Variants in SMPD3 observed in about 807,000 individuals in gnomAD.
SMPD3 encodes nSMase-2.
In SMPD3, 21 loss-of-function variants were observed where a neutral mutation model predicts 55.7. That is an observed-to-expected ratio of 0.38 (90% CI 0.27 to 0.54). SMPD3 has a LOEUF of 0.54. Among genes scored for constraint, SMPD3 ranks in the 20% least tolerant of loss-of-function variants. The probability of loss-of-function intolerance (pLI) is 0.80; values close to 1 mark genes in which losing one functional copy is unlikely to be tolerated. For synonymous variants in SMPD3, 457 were observed against 404.3 expected (o/e 1.13, Z -1.56); for missense variants, 842 against 899.6 (o/e 0.94, Z 0.82).
intron 1 of SMPD3, among the ~76,000 whole-genome samples, chr16:68,396,768 G>A (rs974421053): frequency 2.0e-5 from 3 of 152,164 alleles, no homozygotes; most frequent in Admixed American, 6.5e-5. Flanking sequence ...CCAATTGTTT[G>A]AATTATTGCC....
intron 2 of SMPD3, among the ~76,000 whole-genome samples, chr16:68,377,200 T>C (rs1011139835): frequency 1.3e-5 from 2 of 152,230 alleles, no homozygotes; most frequent in South Asian, 4.1e-4. Context: ...GGCTGTTCCC[T>C]GCAGTGGGGA....
intron 1 of SMPD3, among the ~76,000 whole-genome samples, chr16:68,400,795 T>C (rs1019566007): frequency 6.6e-6 from 1 of 152,188 alleles, no homozygotes; most frequent in African/African-American, 2.4e-5. Flanking sequence ...AATCACCCAG[T>C]GGGCAGGGCC....
intron 2 of SMPD3, among the ~76,000 whole-genome samples, chr16:68,383,213 G>T (rs1224159199): frequency 1.3e-5 from 2 of 152,210 alleles, no homozygotes; most frequent in African/African-American, 4.8e-5. Flanking sequence ...GCTGGCTCAA[G>T]TCATCCCTTC....
intron 2 of SMPD3, among the ~76,000 whole-genome samples, chr16:68,383,737 T>A (rs902232356): frequency 1.8e-4 from 27 of 152,180 alleles, no homozygotes; most frequent in African/African-American, 6.5e-4. Context: ...TCTGACCACA[T>A]GTATTTGATT....
intron 1 of SMPD3, among the ~76,000 whole-genome samples, chr16:68,395,705 T>C (rs1376847344): frequency 6.6e-6 from 1 of 152,156 alleles, no homozygotes; most frequent in African/African-American, 2.4e-5. Context: ...GCCTAAACTG[T>C]CTTAAAAAAA....
intron 1 of SMPD3, among the ~76,000 whole-genome samples, chr16:68,402,430 C>A (rs1385090229): frequency 6.6e-6 from 1 of 152,180 alleles, no homozygotes; most frequent in African/African-American, 2.4e-5. Flanking sequence ...TCATCTTGCA[C>A]AAGCTGTAGG....
intron 1 of SMPD3, among the ~76,000 whole-genome samples, chr16:68,446,085 ACAT>A (rs1189477033): frequency 3.9e-5 from 6 of 152,198 alleles, no homozygotes; most frequent in Non-Finnish European, 7.3e-5. Flanking sequence ...TCCTGCACCC[ACAT>A]CATAAGTGAC....
chr16:68,371,438 A>G lies in SMPD3; in HGVS notation c.744T>C (p.Gly248=), dbSNP rs751216023. ...CAGGTGGCCGGCCGCCCTCCTCGCC[A>G]CCGATGCGCACGATGCAGGCATCCT... ...SPEDACIVRI[G]GEEGGRPPEA... is the part of the protein sequence containing the mutation. The change falls in exon 3 of 9, where the codon GGT becomes GGC. Residue 248 remains glycine, a synonymous_variant. Transcript: ENST00000219334. 8.2e-6 allele frequency: 13 copies of G among 1,581,118 alleles called. No homozygotes were observed. The highest frequency in any genetic ancestry group is 1.1e-5 in the Non-Finnish European group (13 of 1,171,516).
At chr16:68,372,852 G>A (rs1289933838) in intron 2 of SMPD3, among the ~76,000 whole-genome samples, 2 of 152,212 alleles carry the variant, frequency 1.3e-5, no homozygotes, top group South Asian at 2.1e-4. Flanking sequence ...TTGTCATGGA[G>A]TGCCTGCCAG....
Position 68,371,040 on chromosome 16 carries a change from T to G in SMPD3, c.1142A>C (p.Tyr381Ser). Residue 381 changes from tyrosine (Y) to serine (S), a missense_variant, in exon 3 of 9, where the codon TAC (tyrosine) becomes TCC (serine). By Grantham distance (144) the Tyr-to-Ser change is moderately radical. Around this residue, in one of 2 missense-constraint regions of SMPD3, gnomAD observed 649 missense variants for 643.6 expected, o/e 1.01. Coordinates refer to ENST00000219334, the MANE Select transcript of SMPD3 (RefSeq NM_018667.4). Reference sequence around the variant, plus strand: ...GACGTCGTACAGGATGTACTCGAAGTAGCCGTGCAGCTGCTCTTTCAATTT... The same window carrying G: ...GACGTCGTACAGGATGTACTCGAAGGAGCCGTGCAGCTGCTCTTTCAATTT... ...ATKLKEQLHGYFEYILYDVGV... is the reference protein window; with the variant it reads ...ATKLKEQLHGSFEYILYDVGV... 1 of 1,614,230 alleles carries G rather than the reference T, an allele frequency of 6.2e-7. No homozygotes were observed. The highest frequency in any genetic ancestry group is 8.5e-7 in the Non-Finnish European group (1 of 1,180,036).
At position 68,361,612 on chromosome 16, in the gene SMPD3, G is replaced by A. The variant is rs757042198; in HGVS notation, c.1857C>T (p.Asp619=). 2.6e-5 allele frequency: 42 copies of A among 1,608,412 alleles called. No homozygotes were observed. The South Asian group carries it at 4.4e-4, about 17-fold the overall frequency. ...GGCCCTCCTGACTCACGGCCTTCCA[G>A]TCTGGGCACAGCCCCTCCTCTGCAT... ...MLHAEEGLCP[D]WKAEVEEFSF... is the part of the protein sequence containing the mutation. Residue 619 remains aspartate (D), a synonymous_variant, in exon 8 of 9, where the codon GAC becomes GAT. Transcript: ENST00000219334.
intron 2 of SMPD3, among the ~76,000 whole-genome samples, chr16:68,372,688 A>C (rs1358800363): frequency 6.6e-6 from 1 of 152,232 alleles, no homozygotes; most frequent in Non-Finnish European, 1.5e-5. Context: ...AGAGACTTAC[A>C]GATTTGTGGG....
chr16:68,417,959 A>C (rs1031548916), intron 1 of SMPD3, among the ~76,000 whole-genome samples: 1 of 152,236 alleles, frequency 6.6e-6, no homozygotes, highest in Non-Finnish European at 1.5e-5. Flanking sequence ...TGATGCCTGC[A>C]TCACATAATT....
At chr16:68,443,486 C>A (rs1201631328) in intron 1 of SMPD3, among the ~76,000 whole-genome samples, 1 of 152,196 alleles carries the variant, frequency 6.6e-6, no homozygotes, top group Non-Finnish European at 1.5e-5. Context: ...TGTCAAATAA[C>A]AGCTTCCTCA....
intron 1 of SMPD3, among the ~76,000 whole-genome samples, chr16:68,396,509 C>T (rs1050168559): frequency 3.3e-5 from 5 of 152,200 alleles, no homozygotes; most frequent in African/African-American, 1.2e-4. Flanking sequence ...GTCCACCTGA[C>T]ACCCCTCCTC....
intron 7 of SMPD3, 75 bp from the exon 8 acceptor site, chr16:68,361,834 C>A: frequency 1.6e-4 from 182 of 1,152,098 alleles, no homozygotes; most frequent in East Asian, 2.2e-4. Context: ...TGTGTGGAGC[C>A]ATGGTCTCCT....
At chr16:68,439,055 G>A (rs1269757672) in intron 1 of SMPD3, among the ~76,000 whole-genome samples, 4 of 152,204 alleles carry the variant, frequency 2.6e-5, no homozygotes, top group African/African-American at 9.7e-5. Flanking sequence ...ACTTGAACGA[G>A]GGTTAGTATT....
chr16:68,432,455 T>C (rs1294612608), intron 1 of SMPD3, among the ~76,000 whole-genome samples: 1 of 152,260 alleles, frequency 6.6e-6, no homozygotes, highest in African/African-American at 2.4e-5. Context: ...GAATATATGT[T>C]TATAAAAAGT....
At chr16:68,397,239 A>G (rs190510431) in intron 1 of SMPD3, among the ~76,000 whole-genome samples, 399 of 152,326 alleles carry the variant, frequency 2.6e-3, no homozygotes, top group Non-Finnish European at 4.2e-3. Context: ...AAGTCTTGCT[A>G]GCCACCACCC....
Sources: gnomAD v4.1 joint callset for allele counts (sites outside exome capture counted in the v4.1 genomes callset) on GRCh38, gnomAD v4.1.1 for gene constraint, gnomAD v4.1.1 regional missense constraint, MANE v1.5 for transcripts, NCBI Gene and HGNC (gene_info 2026-07-23, HGNC 2026-07-21) for gene names.